NAV2: variants seen among roughly 807,000 people sequenced by gnomAD.
NAV2 encodes the protein helicase, APC down-regulated 1.
NAV2 carries 54 observed loss-of-function variants against 223.2 expected under a neutral mutation model. The observed-to-expected ratio is 0.24, with a 90% CI of 0.19 to 0.30. The LOEUF (loss-of-function observed/expected upper bound fraction) is 0.30. Ranked by LOEUF, NAV2 falls within the 10% of genes least tolerant of loss-of-function variation. The pLI is 1.00. For missense variants in NAV2, 2,806 were observed against 3,147.5 expected, an observed-to-expected ratio of 0.89 and a Z score of 2.60; for synonymous variants, 1,279 against 1,239.3, an observed-to-expected ratio of 1.03 and a Z score of -0.67.
chr11:19,641,485 G>A (rs141100368), intron 1 of NAV2, among the ~76,000 whole-genome samples: 1 of 152,134 alleles, frequency 6.6e-6, no homozygotes, highest in Non-Finnish European at 1.5e-5. Flanking sequence ...AGCAGCCAAT[G>A]AGTTGAAACC....
chr11:19,623,322 G>A (rs2047064981), intron 1 of NAV2, among the ~76,000 whole-genome samples: 1 of 152,148 alleles, frequency 6.6e-6, no homozygotes, highest in South Asian at 2.1e-4. Context: ...GCCTTGCTAG[G>A]TTGAGGAAGT....
chr11:20,022,987 T>C (rs1254065958), intron 11 of NAV2: 11 of 1,438,344 alleles, frequency 7.6e-6, no homozygotes, highest in Non-Finnish European at 1.0e-5. Flanking sequence ...ACAGAGTTGC[T>C]GGGTGCCTGG....
intron 1 of NAV2, among the ~76,000 whole-genome samples, chr11:19,787,295 T>G (rs1590525171): frequency 7.5e-6 from 1 of 133,848 alleles, no homozygotes; most frequent in Non-Finnish European, 1.6e-5. Context: ...TTTTTTTTTT[T>G]TTTGGAGATG....
At chr11:19,932,032 C>G (rs962001144) in intron 6 of NAV2, among the ~76,000 whole-genome samples, 2 of 152,032 alleles carry the variant, frequency 1.3e-5, no homozygotes, top group Non-Finnish European at 2.9e-5. Flanking sequence ...GTCACATTGG[C>G]CACCTTGGTG....
At chr11:19,522,265 C>T (rs2043686041) in intron 1 of NAV2, among the ~76,000 whole-genome samples, 1 of 151,978 alleles carries the variant, frequency 6.6e-6, no homozygotes, top group Non-Finnish European at 1.5e-5. Flanking sequence ...GCACCCCTCA[C>T]AAGGCATTCG....
At chr11:19,484,381 G>A (rs1246986294) in intron 1 of NAV2, among the ~76,000 whole-genome samples, 1 of 151,986 alleles carries the variant, frequency 6.6e-6, no homozygotes, top group Non-Finnish European at 1.5e-5. Context: ...CTATTCCAAA[G>A]CTCTGGCTGT....
chr11:19,497,927 G>A (rs530347245), intron 1 of NAV2, among the ~76,000 whole-genome samples: 1 of 152,302 alleles, frequency 6.6e-6, no homozygotes, highest in African/African-American at 2.4e-5. Flanking sequence ...ATTACTTGCA[G>A]ATTCTGAGCC....
At chr11:19,766,183 C>A (rs1008316459) in intron 1 of NAV2, among the ~76,000 whole-genome samples, 2 of 151,948 alleles carry the variant, frequency 1.3e-5, no homozygotes, top group Admixed American at 6.6e-5. Flanking sequence ...GGTTTTCAAC[C>A]CCTGTAGTAC....
chr11:19,556,422 G>C (rs1300103783), intron 1 of NAV2, among the ~76,000 whole-genome samples: 1 of 152,240 alleles, frequency 6.6e-6, no homozygotes, highest in African/African-American at 2.4e-5. Context: ...AACAGTTAAA[G>C]AGTGGCAGGA....
intron 12 of NAV2, among the ~76,000 whole-genome samples, chr11:20,041,151 G>A (rs945173879): frequency 4.6e-5 from 7 of 152,058 alleles, no homozygotes; most frequent in Admixed American, 4.6e-4. Context: ...GAATCTGCTG[G>A]GTATAGCTAT....
chr11:19,784,824 TAATG>T (rs2056987510), intron 1 of NAV2, among the ~76,000 whole-genome samples: 3 of 152,298 alleles, frequency 2.0e-5, no homozygotes, highest in Admixed American at 2.0e-4. Flanking sequence ...TTAAATGAGA[TAATG>T]AACGCAAAGC....
chr11:19,599,407 G>A (rs77109610), intron 1 of NAV2, among the ~76,000 whole-genome samples: 4,041 of 152,158 alleles, frequency 0.027, 150 homozygotes, highest in African/African-American at 0.083. Context: ...AATAATCTGG[G>A]CTACTCTGTG....
intron 1 of NAV2, among the ~76,000 whole-genome samples, chr11:19,512,831 A>G (rs948674837): frequency 6.6e-6 from 1 of 152,200 alleles, no homozygotes; most frequent in East Asian, 1.9e-4. Flanking sequence ...TCAGCACGAT[A>G]TTGCATTTTG....
intron 1 of NAV2, among the ~76,000 whole-genome samples, chr11:19,831,230 G>GA (rs1555083782): frequency 1.1e-5 from 1 of 89,716 alleles, no homozygotes; most frequent in Non-Finnish European, 2.5e-5. Flanking sequence ...TTGCGGGGGG[G>GA]GGGGGGGCGC....
At chr11:19,393,308 C>T (rs890128996) in intron 1 of NAV2, among the ~76,000 whole-genome samples, 1 of 152,224 alleles carries the variant, frequency 6.6e-6, no homozygotes, top group Admixed American at 6.5e-5. Context: ...AGGTGCCAGA[C>T]AGGCCTATAT....
chr11:19,770,850 A>G (rs552570206), intron 1 of NAV2, among the ~76,000 whole-genome samples: 75 of 152,314 alleles, frequency 4.9e-4, no homozygotes, highest in African/African-American at 1.7e-3. Context: ...TGTCAAGTAC[A>G]TATCCAGATT....
rs556095886 is a variant in NAV2, at chr11:19,611,005, A to T, written c.76-221479A>T. Among the ~76,000 whole-genome samples, 146 of 152,328 alleles carry T rather than the reference A, an allele frequency of 9.6e-4. 1 individual carries two copies. Among genetic ancestry groups the T allele is most frequent in the African/African-American group, 3.2e-3 (134 of 41,576 alleles). ...CATGCTGCTGATAAAGACATACCCA[A>T]GACTGGGAAGAAAAAGAGGTTTAAT... On this transcript the variant is annotated intron_variant, in intron 1 of 37. Coordinates refer to the NAV2 transcript ENST00000360655.
At chr11:20,081,126 G>C (rs1238245299) in intron 25 of NAV2, among the ~76,000 whole-genome samples, 1 of 152,160 alleles carries the variant, frequency 6.6e-6, no homozygotes, top group Non-Finnish European at 1.5e-5. Context: ...GCGAGGTCTA[G>C]TGATACAGAC....
chr11:20,109,332 C>G (rs752987508), intron 36 of NAV2, among the ~76,000 whole-genome samples: 1 of 152,158 alleles, frequency 6.6e-6, no homozygotes, highest in Non-Finnish European at 1.5e-5. Context: ...TTTTGGCCAG[C>G]CTAAAATCAT....
Sources: allele counts gnomAD v4.1 joint callset (sites outside exome capture counted in the v4.1 genomes callset), GRCh38; gene constraint gnomAD v4.1.1; transcripts MANE v1.5; gene names NCBI Gene and HGNC (gene_info 2026-07-23, HGNC 2026-07-21).